ST3GAL3: variants seen among roughly 807,000 people sequenced by gnomAD.
The protein encoded by ST3GAL3 is CMP-N-acetylneuraminate-beta-1,4-galactoside alpha-2,3-sialyltransferase.
A neutral mutation model predicts 50.1 loss-of-function variants in ST3GAL3; 21 were observed. That is an observed-to-expected ratio of 0.42 (90% CI 0.30 to 0.60). The LOEUF is 0.60. Among genes scored for constraint, ST3GAL3 ranks in the 20% least tolerant of loss-of-function variants. ST3GAL3 has a pLI of 0.19. For missense variants in ST3GAL3, 353 were observed against 489.4 expected, an observed-to-expected ratio of 0.72 and a Z score of 2.63; for synonymous variants, 183 against 190.0, an observed-to-expected ratio of 0.96 and a Z score of 0.30.
chr1:43,777,990 C>A (rs959633007), intron 2 of ST3GAL3, among the ~76,000 whole-genome samples: 2 of 152,140 alleles, frequency 1.3e-5, no homozygotes, highest in Non-Finnish European at 2.9e-5. Flanking sequence ...ACGTTCACTG[C>A]AACACTGTTC....
At chr1:43,911,496 T>C (rs2080831779) in intron 9 of ST3GAL3, among the ~76,000 whole-genome samples, 1 of 151,610 alleles carries the variant, frequency 6.6e-6, no homozygotes, top group Admixed American at 6.6e-5. Context: ...AGGATATATA[T>C]AGATATAGAT....
At chr1:43,713,970 G>C (rs1167566375) in intron 1 of ST3GAL3, among the ~76,000 whole-genome samples, 1 of 152,168 alleles carries the variant, frequency 6.6e-6, no homozygotes, top group Non-Finnish European at 1.5e-5. Context: ...CAGTTGATAA[G>C]AATGCCATAC....
chr1:43,920,644 CA>C (rs1261928121), intron 10 of ST3GAL3, 94 bp downstream of exon 10: 1 of 1,603,298 alleles, frequency 6.2e-7, no homozygotes, highest in Non-Finnish European at 8.5e-7. Flanking sequence ...AGTGCTTCTG[CA>C]AAATAGCTTT....
chr1:43,874,745 T>C (rs2073738965), intron 5 of ST3GAL3, among the ~76,000 whole-genome samples: 1 of 152,250 alleles, frequency 6.6e-6, no homozygotes, highest in Non-Finnish European at 1.5e-5. Context: ...CAAGTAGTGA[T>C]ACGCAGCTTG....
In ST3GAL3 at chr1:43,726,312, G is replaced by C. The variant is rs199524935; in HGVS notation, c.-30-9921G>C. ...TTATTTATTTATTTATAAGAGATAGGGTCTTGCTCTGTCACTCAGGCTGGA... is the reference window on the plus strand; with the variant it reads ...TTATTTATTTATTTATAAGAGATAGCGTCTTGCTCTGTCACTCAGGCTGGA... On this transcript the variant is annotated intron_variant, in intron 1 of 11. Coordinates refer to ENST00000347631, the MANE Select transcript of ST3GAL3 (RefSeq NM_006279.5). 2.0e-5 allele frequency among the ~76,000 whole-genome samples: 3 copies of C among 151,884 alleles called. No individual in the cohort carries two copies. The South Asian group carries it at 6.3e-4, about 32-fold the overall frequency.
At chr1:43,826,867 A>G (rs1004006556) in intron 4 of ST3GAL3, among the ~76,000 whole-genome samples, 6 of 152,304 alleles carry the variant, frequency 3.9e-5, no homozygotes, top group South Asian at 2.1e-4. Context: ...CCATAGATGT[A>G]AAAAAACCAT....
intron 9 of ST3GAL3, chr1:43,913,517 T>C (rs139751128): frequency 6.6e-6 from 1 of 152,176 alleles, no homozygotes; most frequent in African/African-American, 2.4e-5. Context: ...TATGTGCCTG[T>C]GGACGTTTTT....
intron 7 of ST3GAL3, 44 bp downstream of exon 7, chr1:43,898,342 G>A: frequency 3.7e-6 from 6 of 1,603,930 alleles, no homozygotes; most frequent in Non-Finnish European, 5.1e-6. Flanking sequence ...GCTGCCTGGT[G>A]GTGTGCAGAG....
chr1:43,893,743 T>C (rs940000730), intron 5 of ST3GAL3, among the ~76,000 whole-genome samples: 3 of 152,064 alleles, frequency 2.0e-5, no homozygotes, highest in Non-Finnish European at 4.4e-5. Flanking sequence ...GAACTTAGCC[T>C]CCTCTCTTTC....
At chr1:43,775,629 G>A (rs1696923306) in intron 2 of ST3GAL3, among the ~76,000 whole-genome samples, 2 of 152,090 alleles carry the variant, frequency 1.3e-5, no homozygotes, top group South Asian at 4.1e-4. Context: ...ATACATCTGT[G>A]AGCCTCCAGT....
chr1:43,923,879 C>T (rs1049872137), intron 11 of ST3GAL3, among the ~76,000 whole-genome samples: 1 of 151,962 alleles, frequency 6.6e-6, no homozygotes, highest in Non-Finnish European at 1.5e-5. Context: ...CCTCTCAAAG[C>T]GCTGGGATTA....
At chr1:43,750,895 C>G (rs1368938872) in intron 2 of ST3GAL3, among the ~76,000 whole-genome samples, 1 of 151,808 alleles carries the variant, frequency 6.6e-6, no homozygotes, top group Non-Finnish European at 1.5e-5. Context: ...AAAAAAAAAG[C>G]TATCTTTTAT....
intron 5 of ST3GAL3, chr1:43,851,583 G>A: frequency 7.0e-7 from 1 of 1,433,286 alleles, no homozygotes; most frequent in Non-Finnish European, 9.8e-7. Context: ...ATTCTCCGAG[G>A]TAATCAGCTC....
At chr1:43,855,647 A>G (rs1416949645) in intron 5 of ST3GAL3, among the ~76,000 whole-genome samples, 1 of 151,966 alleles carries the variant, frequency 6.6e-6, no homozygotes, top group Non-Finnish European at 1.5e-5. Flanking sequence ...AAAAAAGGAA[A>G]TCCTAAAAGA....
intron 5 of ST3GAL3, chr1:43,850,730 C>T: frequency 2.6e-6 from 2 of 756,790 alleles, no homozygotes; most frequent in Non-Finnish European, 4.8e-6. Flanking sequence ...CCGTCAGTGC[C>T]TCAGACAGAG....
At chr1:43,923,575 C>G (rs991346383) in intron 11 of ST3GAL3, among the ~76,000 whole-genome samples, 2 of 152,158 alleles carry the variant, frequency 1.3e-5, no homozygotes, top group African/African-American at 4.8e-5. Flanking sequence ...TGTCTTCTTG[C>G]TTTCCTCATA....
At chr1:43,905,976 T>C (rs1571163626) in intron 9 of ST3GAL3, among the ~76,000 whole-genome samples, 1 of 49,862 alleles carries the variant, frequency 2.0e-5, no homozygotes, top group Non-Finnish European at 3.9e-5. Context: ...CCTCTCCTCC[T>C]CCTGCTCCCC....
chr1:43,765,820 CT>C (rs1369151971), intron 2 of ST3GAL3, among the ~76,000 whole-genome samples: 1 of 149,100 alleles, frequency 6.7e-6, no homozygotes, highest in Admixed American at 6.7e-5. Flanking sequence ...TCCGCGTGCG[CT>C]TTTTTTTTAG....
In ST3GAL3 at chr1:43,745,041, G is replaced by A. The variant is rs12068031; in HGVS notation, c.118+8661G>A. Among the ~76,000 whole-genome samples, 738 of 152,212 alleles carry A rather than the reference G, an allele frequency of 4.8e-3. 12 individuals are homozygous for A. Among genetic ancestry groups the A allele is most frequent in the African/African-American group, 0.017 (702 of 41,554 alleles). On this transcript the variant is annotated intron_variant, in intron 2 of 11. Transcript: ENST00000347631. The stretch of plus-strand genomic sequence containing the variant: ...AAGAAAGAAAAATAGGCTCATGCCT[G>A]TAATCCCAACACTTTGGGAGGGCTG...
Sources: gnomAD v4.1 joint callset for allele counts (sites outside exome capture counted in the v4.1 genomes callset) on GRCh38, gnomAD v4.1.1 for gene constraint, MANE v1.5 for transcripts, NCBI Gene and HGNC (gene_info 2026-07-23, HGNC 2026-07-21) for gene names.